RUNX2: variants seen among roughly 807,000 people sequenced by gnomAD.
The protein encoded by RUNX2 is runt-related transcription factor 2.
In RUNX2, 10 loss-of-function variants were observed where a neutral mutation model predicts 51.7. The ratio of observed to expected loss-of-function variants is 0.19; its 90% CI spans 0.12 to 0.33. The LOEUF (loss-of-function observed/expected upper bound fraction) is 0.33, where lower values mean the gene tolerates loss of function less well. Ranked by LOEUF, RUNX2 falls within the 10% of genes least tolerant of loss-of-function variation. The probability of loss-of-function intolerance (pLI) is 1.00; values close to 1 mark genes in which losing one functional copy is unlikely to be tolerated. For synonymous variants in RUNX2, 276 were observed against 273.6 expected (o/e 1.01, Z -0.09); for missense variants, 562 against 691.3 (o/e 0.81, Z 2.10).
At chr6:45,502,107 T>C (rs1454311675) in intron 6 of RUNX2, among the ~76,000 whole-genome samples, 1 of 152,222 alleles carries the variant, frequency 6.6e-6, no homozygotes, top group East Asian at 1.9e-4. Flanking sequence ...AAAAACTTTT[T>C]AGACCCTGCT....
intron 7 of RUNX2, among the ~76,000 whole-genome samples, chr6:45,526,462 A>G (rs928653625): frequency 6.6e-6 from 1 of 152,206 alleles, no homozygotes; most frequent in Non-Finnish European, 1.5e-5. Context: ...TCTGTTAATA[A>G]CAGAATAAAT....
chr6:45,505,571 G>T (rs1800940797), intron 6 of RUNX2, among the ~76,000 whole-genome samples: 1 of 151,970 alleles, frequency 6.6e-6, no homozygotes, highest in African/African-American at 2.4e-5. Context: ...AGAAGCTGTG[G>T]TCCTGCTCAA....
At chr6:45,419,507 AAG>A (rs1750056565) in intron 2 of RUNX2, among the ~76,000 whole-genome samples, 1 of 152,092 alleles carries the variant, frequency 6.6e-6, no homozygotes, top group Non-Finnish European at 1.5e-5. Flanking sequence ...GTGGACTTGC[AAG>A]AGTGTGTGTC....
chr6:45,334,671 AAC>A (rs1163088439), intron 2 of RUNX2, among the ~76,000 whole-genome samples: 2 of 151,172 alleles, frequency 1.3e-5, no homozygotes, highest in Non-Finnish European at 3.0e-5. Flanking sequence ...TGTTTGTCTT[AAC>A]ATTTTTATAC....
chr6:45,334,449 C>CAAAA (rs551014969), intron 2 of RUNX2, among the ~76,000 whole-genome samples: 121 of 91,724 alleles, frequency 1.3e-3, no homozygotes, highest in East Asian at 2.9e-3. Flanking sequence ...TCAGGAAAAG[C>CAAAA]AAAAAAAAAA....
intron 2 of RUNX2, among the ~76,000 whole-genome samples, chr6:45,340,830 G>A (rs182784121): frequency 2.0e-5 from 3 of 152,016 alleles, no homozygotes; most frequent in East Asian, 1.9e-4. Flanking sequence ...TCATAAATAT[G>A]ATTATAATCA....
rs138462478 is a variant in RUNX2, at chr6:45,454,489, A to C, written c.685+16438A>C. Among the ~76,000 whole-genome samples, 725 of 152,234 alleles carry C rather than the reference A, an allele frequency of 4.8e-3. 3 individuals are homozygous for C. The highest frequency in any genetic ancestry group is 6.1e-3 in the Non-Finnish European group (413 of 68,012). ...TTTGCTAAATGCCTCTCTGCTAAGA[A>C]CTCAACAGGATGAGTCATCTCTTAG... is the stretch of plus-strand genomic sequence containing the variant. On this transcript the variant is annotated intron_variant, in intron 5 of 8. Transcript: ENST00000647337.
chr6:45,408,272 G>A (rs1797880285), intron 2 of RUNX2, among the ~76,000 whole-genome samples: 2 of 152,004 alleles, frequency 1.3e-5, no homozygotes, highest in African/African-American at 4.8e-5. Context: ...ATGCATAACA[G>A]TAAGGGAAGG....
intron 5 of RUNX2, among the ~76,000 whole-genome samples, chr6:45,460,726 A>C (rs144794930): frequency 3.8e-4 from 58 of 151,906 alleles, no homozygotes; most frequent in African/African-American, 1.4e-3. Flanking sequence ...ACTTGTTAAT[A>C]GCCACTGCAC....
At chr6:45,545,124 TA>T in intron 7 of RUNX2, 92 bp from the exon 8 acceptor site, 1 of 1,049,226 alleles carries the variant, frequency 9.5e-7, no homozygotes, top group Non-Finnish European at 1.4e-6. Context: ...ACCCCTCCCC[TA>T]AGGCTGTTGC....
intron 2 of RUNX2, among the ~76,000 whole-genome samples, chr6:45,405,723 G>A (rs550432049): frequency 1.3e-5 from 2 of 151,996 alleles, no homozygotes; most frequent in East Asian, 3.9e-4. Flanking sequence ...GGAGGCAGAG[G>A]TTGCAGTGAG....
chr6:45,413,049 C>T (rs543971138), intron 2 of RUNX2, among the ~76,000 whole-genome samples: 6 of 151,896 alleles, frequency 4.0e-5, no homozygotes, highest in South Asian at 2.1e-4. Flanking sequence ...CTAGGCCTGG[C>T]GGGAACTGCC....
chr6:45,369,060 T>C (rs1378846750), intron 2 of RUNX2, among the ~76,000 whole-genome samples: 1 of 152,142 alleles, frequency 6.6e-6, no homozygotes, highest in Non-Finnish European at 1.5e-5. Context: ...ACCTAGTGTT[T>C]AGAATAACAC....
intron 2 of RUNX2, among the ~76,000 whole-genome samples, chr6:45,398,325 T>A (rs764119651): frequency 2.1e-4 from 32 of 152,206 alleles, no homozygotes; most frequent in Non-Finnish European, 2.2e-4. Flanking sequence ...AAGCATGAGC[T>A]ATTATCATTG....
At chr6:45,428,363 A>G (rs903335242) in intron 3 of RUNX2, among the ~76,000 whole-genome samples, 8 of 152,150 alleles carry the variant, frequency 5.3e-5, no homozygotes, top group African/African-American at 1.9e-4. Flanking sequence ...TATACTTCTG[A>G]TTGATATAAA....
intron 7 of RUNX2, among the ~76,000 whole-genome samples, chr6:45,516,474 C>T (rs570735054): frequency 2.6e-5 from 4 of 152,232 alleles, no homozygotes; most frequent in Non-Finnish European, 5.9e-5. Flanking sequence ...TGTTACAGTG[C>T]AGAAGACACC....
intron 2 of RUNX2, among the ~76,000 whole-genome samples, chr6:45,388,590 C>T (rs1375500033): frequency 6.6e-5 from 10 of 152,190 alleles, no homozygotes; most frequent in South Asian, 2.1e-4. Flanking sequence ...ACTAGAGCAT[C>T]TACAGAATTT....
At chr6:45,510,088 T>C (rs577504776) in intron 6 of RUNX2, among the ~76,000 whole-genome samples, 1 of 152,352 alleles carries the variant, frequency 6.6e-6, no homozygotes, top group South Asian at 2.1e-4. Context: ...TTTCTCTGAA[T>C]ACTGAATTAC....
chr6:45,404,773 A>G (rs1356562728), intron 2 of RUNX2, among the ~76,000 whole-genome samples: 2 of 152,226 alleles, frequency 1.3e-5, no homozygotes, highest in South Asian at 2.1e-4. Flanking sequence ...AGAACATCCC[A>G]TTTTTAAAGA....
Sources: gnomAD v4.1 joint callset for allele counts (sites outside exome capture counted in the v4.1 genomes callset) on GRCh38, gnomAD v4.1.1 for gene constraint, MANE v1.5 for transcripts, NCBI Gene and HGNC (gene_info 2026-07-23, HGNC 2026-07-21) for gene names.